Variants in TMEM132B observed in about 807,000 individuals in gnomAD.
The protein encoded by TMEM132B is transmembrane protein 132B.
In TMEM132B, 18 loss-of-function variants were observed where a neutral mutation model predicts 90.8. The observed-to-expected ratio is 0.20, with a 90% CI of 0.14 to 0.29. TMEM132B has a LOEUF of 0.29. Among genes scored for constraint, TMEM132B ranks in the 10% least tolerant of loss-of-function variants. The probability of loss-of-function intolerance (pLI) is 1.00; values close to 1 mark genes in which losing one functional copy is unlikely to be tolerated. For synonymous variants in TMEM132B, 504 were observed against 523.3 expected (o/e 0.96, Z 0.50); for missense variants, 1,096 against 1,326.8 (o/e 0.83, Z 2.70).
At chr12:125,473,271 C>T (rs1322357996) in intron 3 of TMEM132B, among the ~76,000 whole-genome samples, 1 of 152,190 alleles carries the variant, frequency 6.6e-6, no homozygotes, top group Non-Finnish European at 1.5e-5. Flanking sequence ...GGCCTCTGCT[C>T]CAACACCACT....
intron 4 of TMEM132B, among the ~76,000 whole-genome samples, chr12:125,570,815 A>G (rs967432858): frequency 6.6e-6 from 1 of 152,136 alleles, no homozygotes; most frequent in South Asian, 2.1e-4. Flanking sequence ...TGAGGGCCCA[A>G]TGTGGTCAGA....
intron 2 of TMEM132B, among the ~76,000 whole-genome samples, chr12:125,372,121 A>G (rs1424248873): frequency 6.6e-6 from 1 of 152,230 alleles, no homozygotes; most frequent in Non-Finnish European, 1.5e-5. Context: ...GAAATTCAAC[A>G]TGTGCTTCTC....
At chr12:125,327,164 G>A (rs1434467784) in intron 1 of TMEM132B, among the ~76,000 whole-genome samples, 1 of 152,034 alleles carries the variant, frequency 6.6e-6, no homozygotes, top group African/African-American at 2.4e-5. Flanking sequence ...AATGGCTTCT[G>A]TCACCACCTC....
chr12:125,329,802 G>A (rs1391911976), intron 1 of TMEM132B, among the ~76,000 whole-genome samples: 1 of 152,200 alleles, frequency 6.6e-6, no homozygotes, highest in Non-Finnish European at 1.5e-5. Flanking sequence ...CAGCTTTCAG[G>A]CCAGGGACTA....
chr12:125,489,877 T>TGAA (rs1299838160), intron 3 of TMEM132B, among the ~76,000 whole-genome samples: 2 of 152,228 alleles, frequency 1.3e-5, no homozygotes, highest in Non-Finnish European at 2.9e-5. Flanking sequence ...AATTCTCAGT[T>TGAA]GGTTCTGGAA....
At chr12:125,625,130 C>CT (rs1169262449) in intron 5 of TMEM132B, among the ~76,000 whole-genome samples, 1,733 of 103,830 alleles carry the variant, frequency 0.017, 105 homozygotes, top group African/African-American at 0.051. Context: ...GATTTGACTT[C>CT]TTTTTTTTTT....
At chr12:125,570,145 C>A (rs1884757342) in intron 4 of TMEM132B, among the ~76,000 whole-genome samples, 1 of 152,172 alleles carries the variant, frequency 6.6e-6, no homozygotes, top group African/African-American at 2.4e-5. Flanking sequence ...AAAAAGAAAC[C>A]TGGTCCTTGT....
At chr12:125,457,273 T>C (rs757950012) in intron 3 of TMEM132B, among the ~76,000 whole-genome samples, 1 of 152,228 alleles carries the variant, frequency 6.6e-6, no homozygotes, top group South Asian at 2.1e-4. Flanking sequence ...CTGTCTTTTT[T>C]TCTCCTGATT....
intron 1 of TMEM132B, among the ~76,000 whole-genome samples, chr12:125,226,725 G>A (rs960518162): frequency 1.7e-4 from 26 of 152,250 alleles, no homozygotes; most frequent in African/African-American, 5.1e-4. Context: ...TGTAAAGTGG[G>A]GTAAAATCTA....
At chr12:125,389,508 C>T (rs371940274) in intron 2 of TMEM132B, among the ~76,000 whole-genome samples, 1 of 152,092 alleles carries the variant, frequency 6.6e-6, no homozygotes, top group African/African-American at 2.4e-5. Context: ...GGCTCTGGCT[C>T]TTGTTAGCTG....
intron 5 of TMEM132B, among the ~76,000 whole-genome samples, chr12:125,616,273 A>C (rs997174987): frequency 1.3e-5 from 2 of 152,022 alleles, no homozygotes; most frequent in East Asian, 1.9e-4. Context: ...TGAACTCATC[A>C]TTTTTTATGG....
At chr12:125,482,327 A>G (rs1316690387) in intron 3 of TMEM132B, among the ~76,000 whole-genome samples, 1 of 152,240 alleles carries the variant, frequency 6.6e-6, no homozygotes, top group Non-Finnish European at 1.5e-5. Context: ...AACCTACAGA[A>G]TGGGAGAAAA....
intron 2 of TMEM132B, among the ~76,000 whole-genome samples, chr12:125,413,509 C>T (rs1440004079): frequency 2.0e-5 from 3 of 152,212 alleles, no homozygotes; most frequent in African/African-American, 7.2e-5. Context: ...CCCATCCTCA[C>T]TCTTCCCCAG....
At chr12:125,552,682 T>A (rs942391851) in intron 4 of TMEM132B, among the ~76,000 whole-genome samples, 1 of 152,240 alleles carries the variant, frequency 6.6e-6, no homozygotes, top group Non-Finnish European at 1.5e-5. Flanking sequence ...CTCTGTAAGA[T>A]TCATTGTATC....
At chr12:125,540,887 C>T (rs1250150377) in intron 4 of TMEM132B, among the ~76,000 whole-genome samples, 1 of 152,260 alleles carries the variant, frequency 6.6e-6, no homozygotes, top group Non-Finnish European at 1.5e-5. Context: ...CCCCTGGCCA[C>T]CTTTCTGACT....
At chr12:125,381,971 G>T (rs1878697087) in intron 2 of TMEM132B, among the ~76,000 whole-genome samples, 1 of 152,176 alleles carries the variant, frequency 6.6e-6, no homozygotes, top group Non-Finnish European at 1.5e-5. Flanking sequence ...CTCTGTGGAG[G>T]TCTTGCCAAT....
chr12:125,251,018 C>T lies in TMEM132B; in HGVS notation c.67+64152C>T, dbSNP rs1593056095. ...TTTGTTGTTACATTTAATGAGGTTTCTCTAAAAAGAAGAGATCATTTCCGA... is the reference window on the plus strand; with the variant it reads ...TTTGTTGTTACATTTAATGAGGTTTTTCTAAAAAGAAGAGATCATTTCCGA... On this transcript the variant is annotated intron_variant, in intron 1 of 8. Transcript: ENST00000682704. The surrounding 1 kb of genome is among the most constrained non-coding windows in gnomAD (Gnocchi z 4.4). Among the ~76,000 whole-genome samples the T allele has an allele frequency of 6.6e-6, 1 of 152,172 alleles. No homozygotes were observed. Among genetic ancestry groups the T allele is most frequent in the East Asian group, 1.9e-4 (1 of 5,178 alleles).
chr12:125,363,013 C>T (rs1364339743), intron 2 of TMEM132B, among the ~76,000 whole-genome samples: 1 of 152,112 alleles, frequency 6.6e-6, no homozygotes, highest in Non-Finnish European at 1.5e-5. Flanking sequence ...TCCAGTTTTT[C>T]ACTGGCACCT....
chr12:125,435,533 G>A (rs186871061), intron 3 of TMEM132B, among the ~76,000 whole-genome samples: 16 of 152,266 alleles, frequency 1.1e-4, no homozygotes, highest in Non-Finnish European at 1.9e-4. Flanking sequence ...CCTTCAGCGC[G>A]TATTACAGAG....
Sources: gnomAD v4.1 joint callset for allele counts (sites outside exome capture counted in the v4.1 genomes callset) on GRCh38, gnomAD v4.1.1 for gene constraint, Gnocchi (gnomAD v3.1) non-coding constraint, MANE v1.5 for transcripts, NCBI Gene and HGNC (gene_info 2026-07-23, HGNC 2026-07-21) for gene names.